PPP1R1C: variants seen among roughly 807,000 people sequenced by gnomAD.
The protein encoded by PPP1R1C is protein phosphatase 1 regulatory subunit 1C.
In PPP1R1C, 15 loss-of-function variants were observed where a neutral mutation model predicts 17.4. The observed-to-expected ratio is 0.86, with a 90% CI of 0.58 to 1.33. The LOEUF (loss-of-function observed/expected upper bound fraction) is 1.33. PPP1R1C is among the 40% of genes most tolerant of loss of function. The pLI, the probability that PPP1R1C is intolerant of heterozygous loss-of-function variation, is 0.00. For missense variants in PPP1R1C, 143 were observed against 130.0 expected, an observed-to-expected ratio of 1.10 and a Z score of -0.48; for synonymous variants, 35 against 43.1, an observed-to-expected ratio of 0.81 and a Z score of 0.73.
At chr2:181,972,744 A>G (rs1029451098) in intron 1 of PPP1R1C, among the ~76,000 whole-genome samples, 57 of 152,324 alleles carry the variant, frequency 3.7e-4, no homozygotes, top group African/African-American at 1.3e-3. Context: ...AGGTGCGCCT[A>G]GAAAATAAAG....
At chr2:182,086,931 C>CAAA (rs199642832) in intron 4 of PPP1R1C, among the ~76,000 whole-genome samples, 2 of 145,440 alleles carry the variant, frequency 1.4e-5, no homozygotes, top group Non-Finnish European at 1.5e-5. Flanking sequence ...GAGAAAATAC[C>CAAA]AAAAAAAAAA....
At position 182,076,184 on chromosome 2, in the gene PPP1R1C, TTTTTTTTCTTTTC is replaced by T. The variant is rs1559082820; in HGVS notation, c.241+12401_241+12413del. The stretch of plus-strand genomic sequence containing the variant: ...TCTATAAATCAAGGATTTTGAACTT[TTTTTTTTCTTTTC>T]TTTTTTTTTTTTTTTTTTTTTTTTT... On this transcript the variant is annotated intron_variant, in intron 4 of 4. Transcript: ENST00000682840. Among the ~76,000 whole-genome samples, 42 of 120,528 alleles carry T rather than the reference TTTTTTTTCTTTTC, an allele frequency of 3.5e-4. 1 individual carries two copies. The highest frequency in any genetic ancestry group is 1.4e-3 in the African/African-American group (38 of 27,676). 79.1% of individuals were successfully genotyped at this position (120,528 alleles called of 152,430 possible).
At chr2:182,074,356 A>C (rs1461896145) in intron 4 of PPP1R1C, among the ~76,000 whole-genome samples, 1 of 152,016 alleles carries the variant, frequency 6.6e-6, no homozygotes. Flanking sequence ...TTCTTCTATG[A>C]TAAGTTGTAT....
At chr2:182,003,029 G>A (rs1435093367) in intron 2 of PPP1R1C, among the ~76,000 whole-genome samples, 1 of 147,090 alleles carries the variant, frequency 6.8e-6, no homozygotes, top group Non-Finnish European at 1.5e-5. Context: ...GCAAACCACA[G>A]GGAGTTTCCT....
At chr2:182,030,979 G>T (rs1686812221) in intron 2 of PPP1R1C, 1 of 153,600 alleles carries the variant, frequency 6.5e-6, no homozygotes, top group African/African-American at 2.4e-5. Flanking sequence ...CGATTTCCCA[G>T]GTGAGTCCGT....
At chr2:182,120,011 G>A (rs551250026), downstream of PPP1R1C, among the ~76,000 whole-genome samples, 136 of 152,258 alleles carry the variant, frequency 8.9e-4, 1 homozygote, top group African/African-American at 3.1e-3. Flanking sequence ...TATTGCCTAG[G>A]TTTTCTTCTA....
rs1403442098 is a variant in PPP1R1C at position 182,028,213 on chromosome 2, C to T, written c.143-33229C>T. On this transcript the variant is annotated intron_variant, in intron 2 of 4. Coordinates refer to ENST00000682840, the MANE Select transcript of PPP1R1C (RefSeq NM_001080545.3). ...GGGTTTTTTGTGTCTCTATTTCCTTCAGTTCTGCTCTGATTTTAGTTATTT... is the reference window on the plus strand; with the variant it reads ...GGGTTTTTTGTGTCTCTATTTCCTTTAGTTCTGCTCTGATTTTAGTTATTT... Among the ~76,000 whole-genome samples the T allele has an allele frequency of 3.5e-3, 450 of 127,036 alleles. 2 individuals carry two copies. The highest frequency in any genetic ancestry group is 0.013 in the African/African-American group (422 of 33,222). The allele number at this position is 127,036 out of a possible 152,430, so 83.3% of individuals were successfully genotyped here.
intron 2 of PPP1R1C, among the ~76,000 whole-genome samples, chr2:182,004,081 C>G (rs544175879): frequency 6.6e-6 from 1 of 152,232 alleles, no homozygotes; most frequent in South Asian, 2.1e-4. Context: ...GTTAAAATAT[C>G]TTTTCTGAAG....
At chr2:181,993,173 T>G (rs1048789256) in intron 2 of PPP1R1C, among the ~76,000 whole-genome samples, 1 of 152,184 alleles carries the variant, frequency 6.6e-6, no homozygotes, top group Non-Finnish European at 1.5e-5. Flanking sequence ...TTCTGGTGAT[T>G]ATTTTTTAAT....
chr2:182,058,873 C>T (rs781035582), intron 2 of PPP1R1C, among the ~76,000 whole-genome samples: 1 of 151,980 alleles, frequency 6.6e-6, no homozygotes, highest in African/African-American at 2.4e-5. Context: ...TTCACTTTTC[C>T]TTATTTTTTG....
At chr2:182,100,422 A>G (rs1181341892) in intron 4 of PPP1R1C, among the ~76,000 whole-genome samples, 2 of 151,660 alleles carry the variant, frequency 1.3e-5, no homozygotes. Context: ...AGGCAGGAGA[A>G]TCGCTTGAAC....
chr2:182,109,034 G>T (rs1375289253), intron 4 of PPP1R1C, among the ~76,000 whole-genome samples: 3 of 152,088 alleles, frequency 2.0e-5, no homozygotes, highest in East Asian at 3.8e-4. Context: ...CAGTGTTTTG[G>T]ATTTCAGCCA....
intron 2 of PPP1R1C, among the ~76,000 whole-genome samples, chr2:182,000,470 A>G (rs1310959566): frequency 6.6e-6 from 1 of 152,180 alleles, no homozygotes; most frequent in Non-Finnish European, 1.5e-5. Context: ...TGACATCAAA[A>G]GGTCACATTT....
chr2:182,129,707 A>C (rs1229299348), exon 6 of PPP1R1C: 4 of 152,148 alleles, frequency 2.6e-5, no homozygotes. Flanking sequence ...ATAATCCAAC[A>C]AACGCTTCCA....
rs188423082 is a variant in PPP1R1C, at chr2:182,104,488, G to A, written c.242-12719G>A. On this transcript the variant is annotated intron_variant, in intron 4 of 4. Coordinates refer to ENST00000682840, the MANE Select transcript of PPP1R1C (RefSeq NM_001080545.3). ...TTATTCTTTATTCAGTTAATGTGGT[G>A]TATCACACTTATTGATTTGTATATG... 7.2e-3 allele frequency among the ~76,000 whole-genome samples: 1,098 copies of A among 152,276 alleles called. 8 individuals are homozygous for A. Among genetic ancestry groups the A allele is most frequent in the Middle Eastern group, 0.024 (7 of 294 alleles).
intron 2 of PPP1R1C, among the ~76,000 whole-genome samples, chr2:182,017,019 C>T (rs1021442998): frequency 3.3e-5 from 5 of 152,176 alleles, no homozygotes; most frequent in Non-Finnish European, 7.4e-5. Context: ...AAATTCATGA[C>T]AGTATATAGT....
intron 1 of PPP1R1C, among the ~76,000 whole-genome samples, chr2:181,959,218 G>C (rs139260736): frequency 6.6e-6 from 1 of 152,110 alleles, no homozygotes; most frequent in Non-Finnish European, 1.5e-5. Context: ...GAAAACCTAC[G>C]ATTAAGAATT....
At chr2:182,100,063 T>G (rs900067111) in intron 4 of PPP1R1C, among the ~76,000 whole-genome samples, 1 of 152,234 alleles carries the variant, frequency 6.6e-6, no homozygotes, top group African/African-American at 2.4e-5. Flanking sequence ...ACTTGAAAGA[T>G]ACTCCTGAGA....
At chr2:182,113,528 C>G (rs1689498959) in intron 4 of PPP1R1C, among the ~76,000 whole-genome samples, 1 of 152,126 alleles carries the variant, frequency 6.6e-6, no homozygotes, top group African/African-American at 2.4e-5. Flanking sequence ...GAGAGCAATT[C>G]CCTTTCTCGT....
Sources: allele counts gnomAD v4.1 joint callset (sites outside exome capture counted in the v4.1 genomes callset), GRCh38; gene constraint gnomAD v4.1.1; transcripts MANE v1.5; gene names NCBI Gene and HGNC (gene_info 2026-07-23, HGNC 2026-07-21).